Variants in CEP290 observed in about 807,000 individuals in gnomAD.
CEP290 encodes centrosomal protein 290.
In CEP290, 317 loss-of-function variants were observed where a neutral mutation model predicts 344.9. The ratio of observed to expected loss-of-function variants is 0.92; its 90% CI spans 0.84 to 1.01. The LOEUF (loss-of-function observed/expected upper bound fraction) is 1.01, where lower values mean the gene tolerates loss of function less well. CEP290 is among the 50% of genes least tolerant of loss of function. The pLI is 0.00. For missense variants in CEP290, 2,754 were observed against 2,761.4 expected, an observed-to-expected ratio of 1.00 and a Z score of 0.06; for synonymous variants, 932 against 895.8, an observed-to-expected ratio of 1.04 and a Z score of -0.72.
In CEP290 at chr12:88,114,078, A is replaced by T. The variant is rs370878155; in HGVS notation, c.2052+342T>A. ...AAACCACAGGATACAGCCCAAAGCC[A>T]TGGGATAAGTGAAAGGAAAATCCCA... On this transcript the variant is annotated intron_variant, in intron 20 of 53. Transcript: ENST00000552810. 2.6e-5 allele frequency among the ~76,000 whole-genome samples: 4 copies of T among 152,176 alleles called. No homozygotes were observed. In the East Asian group the frequency reaches 7.7e-4, roughly 29 times the overall value.
At chr12:88,070,904 A>G (rs2035321907) in intron 43 of CEP290, among the ~76,000 whole-genome samples, 1 of 152,164 alleles carries the variant, frequency 6.6e-6, no homozygotes, top group Admixed American at 6.6e-5. Flanking sequence ...CTAATGGTAC[A>G]TAGCTCACAT....
intron 15 of CEP290, among the ~76,000 whole-genome samples, chr12:88,119,899 A>T (rs1483557988): frequency 1.3e-5 from 2 of 152,130 alleles, no homozygotes; most frequent in Non-Finnish European, 2.9e-5. Context: ...CAAATAAAGC[A>T]ATGTTCCAGC....
At chr12:88,107,531 T>A (rs2038372100) in intron 23 of CEP290, among the ~76,000 whole-genome samples, 1 of 150,844 alleles carries the variant, frequency 6.6e-6, no homozygotes, top group African/African-American at 2.4e-5. Context: ...TAAGTCTAAT[T>A]AAAATAGTGA....
At chr12:88,087,592 T>C (rs990074669) in intron 32 of CEP290, among the ~76,000 whole-genome samples, 188 bp downstream of exon 32, 5 of 151,352 alleles carry the variant, frequency 3.3e-5, no homozygotes, top group African/African-American at 1.2e-4. Flanking sequence ...CGGTGGCGGG[T>C]GCCTGTAGTC....
chr12:88,137,533 T>C (rs1172357437), intron 5 of CEP290, among the ~76,000 whole-genome samples: 1 of 152,228 alleles, frequency 6.6e-6, no homozygotes, highest in Admixed American at 6.5e-5. Flanking sequence ...CTTCACCTTA[T>C]AGTTCTGTTA....
Position 88,120,885 on chromosome 12 carries a change from A to C in CEP290, c.1359+112T>G, listed in dbSNP as rs964286372. 4.7e-6 allele frequency: 4 copies of C among 848,094 alleles called. No homozygotes were observed. The African/African-American group carries it at 7.1e-5, about 15-fold the overall frequency. The allele number at this position is 848,094 out of a possible 1,614,324, so 52.5% of individuals were successfully genotyped here. On this transcript the variant is annotated intron_variant, in intron 14 of 53. Coordinates refer to ENST00000552810, the MANE Select transcript of CEP290 (RefSeq NM_025114.4). ...TAAATTAATGAGGATAATCTTTATC[A>C]AAAGATACTTATGGAATGTTTTTTA... is the stretch of plus-strand genomic sequence containing the variant.
chr12:88,130,594 T>C (rs1201161408), intron 7 of CEP290, 29 bp from the exon 8 acceptor site: 4 of 1,540,820 alleles, frequency 2.6e-6, no homozygotes, highest in South Asian at 2.6e-5. Flanking sequence ...AAACGGTAAT[T>C]AGAAATGAGA....
At chr12:88,050,560 TA>T in intron 52 of CEP290, 127 bp from the exon 53 acceptor site, 1 of 523,846 alleles carries the variant, frequency 1.9e-6, no homozygotes, top group Admixed American at 3.9e-5. Flanking sequence ...CACTGGATGT[TA>T]TGGCTGAAAT....
At chr12:88,091,637 T>C (rs1171698679) in intron 29 of CEP290, among the ~76,000 whole-genome samples, 5 of 152,208 alleles carry the variant, frequency 3.3e-5, no homozygotes, top group East Asian at 3.9e-4. Context: ...AGTTAGTTTA[T>C]ATCAAAAGAG....
chr12:88,082,953 G>A (rs987465872), intron 37 of CEP290, 78 bp downstream of exon 37: 8 of 804,612 alleles, frequency 9.9e-6, no homozygotes, highest in Non-Finnish European at 1.5e-5. Context: ...ACAGTGCCTG[G>A]CATAGCAAAC....
chr12:88,052,830 A>G (rs2033670239), intron 52 of CEP290, among the ~76,000 whole-genome samples: 1 of 152,144 alleles, frequency 6.6e-6, no homozygotes, highest in Non-Finnish European at 1.5e-5. Flanking sequence ...TGGGATTCAA[A>G]TCCCTTCCAC....
chr12:88,057,220 A>T (rs898276474), intron 49 of CEP290, among the ~76,000 whole-genome samples: 1 of 152,218 alleles, frequency 6.6e-6, no homozygotes, highest in Non-Finnish European at 1.5e-5. Flanking sequence ...CAGAAAGGAT[A>T]TAATTTACTT....
Position 88,083,164 on chromosome 12 carries a change from C to A in CEP290, c.4879G>T (p.Glu1627Ter), listed in dbSNP as rs868148490. 6.5e-7 allele frequency: 1 copy of A among 1,544,298 alleles called. No homozygotes were observed. The highest frequency in any genetic ancestry group is 2.4e-5 in the East Asian group (1 of 41,536). ...TCATCTTGTTCTGCTACTGTCTGTT[C>A]CATCTCAGCCAGACGAATAAAATGC... ...NKHFIRLAEM[E>*]QTVAEQDDSL... is the part of the protein sequence containing the mutation. The change falls in exon 37 of 54, where the codon GAA becomes TAA. Residue 1627 changes from glutamate (E) to a stop codon, truncating the protein, a stop_gained. Coordinates refer to ENST00000552810, the MANE Select transcript of CEP290 (RefSeq NM_025114.4). LOFTEE classifies it high-confidence loss of function.
Position 88,049,162 on chromosome 12 carries a change from A to G in CEP290, c.*22T>C, listed in dbSNP as rs1261004251. ...TATAAAGTTAATAAATAGTTAAATG[A>G]AACAAAGTTTATAGGTGACCTTTAG... On this transcript the variant is annotated 3_prime_UTR_variant, in exon 54 of 54. Coordinates refer to ENST00000552810, the MANE Select transcript of CEP290 (RefSeq NM_025114.4). 7.1e-7 allele frequency: 1 copy of G among 1,399,712 alleles called. No individual in the cohort carries two copies. The highest frequency in any genetic ancestry group is 2.1e-5 in the African/African-American group (1 of 46,954). 86.7% of individuals were successfully genotyped at this position (1,399,712 alleles called of 1,614,324 possible). A position where few individuals can be genotyped will look rare whatever the true frequency, so the allele number is the denominator to read the frequency against.
chr12:88,049,626 AGTTGT>A (rs951401140), intron 53 of CEP290: 4 of 413,148 alleles, frequency 9.7e-6, no homozygotes, highest in African/African-American at 8.4e-5. Flanking sequence ...GTATTCTGTA[AGTTGT>A]GTTCTAGTCT....
At chr12:88,126,240 A>G (rs952144688) in intron 12 of CEP290, 76 bp downstream of exon 12, 161 of 1,233,232 alleles carry the variant, frequency 1.3e-4, no homozygotes, top group Non-Finnish European at 1.8e-5. Context: ...CTGATGATAT[A>G]ATAAATAAAA....
rs921626904 is a variant in CEP290, at chr12:88,084,998, G to A, written c.4438-146C>T. ...CAATAGCCATTTGATACTTAATAAG[G>A]TTAAACTGACTAATTCTAATTGACA... On this transcript the variant is annotated intron_variant, in intron 34 of 53. Transcript: ENST00000552810. The A allele has an allele frequency of 5.2e-5, 32 of 610,290 alleles. 1 individual carries two copies. Among genetic ancestry groups the A allele is most frequent in the Middle Eastern group, 8.8e-4 (2 of 2,268 alleles). 37.8% of individuals were successfully genotyped at this position (610,290 alleles called of 1,614,324 possible).
chr12:88,111,601 T>G, intron 21 of CEP290, 93 bp downstream of exon 21: 1 of 1,103,476 alleles, frequency 9.1e-7, no homozygotes, highest in Non-Finnish European at 1.3e-6. Context: ...AGGGGCATTT[T>G]CTCATAAAGC....
chr12:88,097,450 C>T (rs553671650), intron 26 of CEP290, among the ~76,000 whole-genome samples: 224 of 152,112 alleles, frequency 1.5e-3, no homozygotes, highest in Non-Finnish European at 2.3e-3. Context: ...CCCCTTCTGC[C>T]ATAACTGTTA....
Sources: gnomAD v4.1 joint callset for allele counts (sites outside exome capture counted in the v4.1 genomes callset) on GRCh38, gnomAD v4.1.1 for gene constraint, MANE v1.5 for transcripts, NCBI Gene and HGNC (gene_info 2026-07-23, HGNC 2026-07-21) for gene names.